The following RFX4 variants were observed in gnomAD, a reference collection of about 807,000 sequenced individuals.
The protein encoded by RFX4 is regulatory factor X4, also known as transcription factor RFX4.
In RFX4, 10 loss-of-function variants were observed where a neutral mutation model predicts 95.0. The observed-to-expected ratio is 0.11, with a 90% CI of 0.06 to 0.18. RFX4 has a LOEUF of 0.18. RFX4 is among the 10% of genes least tolerant of loss of function. RFX4 has a pLI of 1.00. For missense variants in RFX4, 640 were observed against 922.0 expected, an observed-to-expected ratio of 0.69 and a Z score of 3.96; for synonymous variants, 321 against 340.7, an observed-to-expected ratio of 0.94 and a Z score of 0.64.
chr12:106,698,928 A>T (rs754393385), intron 8 of RFX4, among the ~76,000 whole-genome samples: 1 of 151,078 alleles, frequency 6.6e-6, no homozygotes, highest in Non-Finnish European at 1.5e-5. Context: ...TTTTATCTTT[A>T]TTCCTCCCTT....
At chr12:106,653,088 G>A (rs550510624) in intron 3 of RFX4, among the ~76,000 whole-genome samples, 11 of 152,204 alleles carry the variant, frequency 7.2e-5, no homozygotes, top group Admixed American at 2.0e-4. Flanking sequence ...CCCAGGCTTC[G>A]AAGGCATGAC....
rs2039459891 is a variant in RFX4 at position 106,586,443 on chromosome 12, G to A, written c.43+3080G>A. Reference sequence around the variant, plus strand: ...AATTCGAGAACGATGGGGGAAAGTGGGTAGAATTTTAGGCCACCGAGAACT... The same window carrying A: ...AATTCGAGAACGATGGGGGAAAGTGAGTAGAATTTTAGGCCACCGAGAACT... On this transcript the variant is annotated intron_variant, in intron 1 of 17. Coordinates refer to ENST00000392842, the MANE Select transcript of RFX4 (RefSeq NM_213594.3). This position sits in a 1 kb window ranked among gnomAD's most constrained non-coding sequence, Gnocchi z 5.6. 6.6e-6 allele frequency among the ~76,000 whole-genome samples: 1 copy of A among 151,090 alleles called. No homozygotes were observed. Among genetic ancestry groups the A allele is most frequent in the African/African-American group, 2.4e-5 (1 of 41,026 alleles).
chr12:106,691,998 A>G (rs1464945002), intron 7 of RFX4, among the ~76,000 whole-genome samples: 1 of 152,112 alleles, frequency 6.6e-6, no homozygotes, highest in Non-Finnish European at 1.5e-5. Context: ...CTCTACTAAA[A>G]ATACAAAAAT....
At chr12:106,740,246 T>C (rs1326086772) in intron 15 of RFX4, among the ~76,000 whole-genome samples, 13 of 152,196 alleles carry the variant, frequency 8.5e-5, no homozygotes, top group Admixed American at 8.5e-4. Context: ...TCTACATCAG[T>C]TGAGGATGTA....
Position 106,660,452 on chromosome 12 carries a change from C to T in RFX4, c.315+6101C>T, listed in dbSNP as rs141223127. On this transcript the variant is annotated intron_variant, in intron 4 of 17. Transcript: ENST00000392842. The stretch of plus-strand genomic sequence containing the variant: ...TTTTAATTTCACCAGAAACCTCCTT[C>T]TCCTGCTTGACCACTTGTCTTTCAG... Among the ~76,000 whole-genome samples, 891 of 151,960 alleles carry T rather than the reference C, an allele frequency of 5.9e-3. 22 individuals are homozygous for T. Among genetic ancestry groups the T allele is most frequent in the Admixed American group, 0.039 (592 of 15,262 alleles).
chr12:106,608,185 G>A (rs559026745), intron 1 of RFX4, among the ~76,000 whole-genome samples: 30 of 152,158 alleles, frequency 2.0e-4, no homozygotes, highest in Admixed American at 3.9e-4. Context: ...GCAAAACTCC[G>A]TCTCAAAAAC....
At chr12:106,642,630 T>C (rs1180975386) in intron 3 of RFX4, among the ~76,000 whole-genome samples, 1 of 152,064 alleles carries the variant, frequency 6.6e-6, no homozygotes, top group African/African-American at 2.4e-5. Flanking sequence ...AAAAAACAAC[T>C]AATGATTGAT....
chr12:106,717,000 C>CAAAAAAAAAAAA (rs71311249), intron 11 of RFX4, among the ~76,000 whole-genome samples: 1 of 60,512 alleles, frequency 1.7e-5, no homozygotes, highest in Admixed American at 2.3e-4. Context: ...GCACAGGAGA[C>CAAAAAAAAAAAA]AAAAAAAAAA....
chr12:106,759,022 AT>A (rs141868751), intron 17 of RFX4, among the ~76,000 whole-genome samples: 1,814 of 152,346 alleles, frequency 0.012, 34 homozygotes, highest in African/African-American at 0.041. Flanking sequence ...TGTTGGGAAC[AT>A]GGTGTTGAAC....
chr12:106,591,002 T>TA (rs918866627), intron 1 of RFX4, among the ~76,000 whole-genome samples: 42 of 151,706 alleles, frequency 2.8e-4, no homozygotes, highest in African/African-American at 1.0e-3. Flanking sequence ...AAAGAAAAAT[T>TA]AAAAAAAGAA....
At position 106,709,574 on chromosome 12, in the gene RFX4, G is replaced by A. The variant is rs527292389; in HGVS notation, c.934+144G>A. The A allele has an allele frequency of 8.5e-6, 5 of 586,612 alleles. No homozygotes were observed. The East Asian group carries it at 1.3e-4, about 15-fold the overall frequency. 36.3% of individuals were successfully genotyped at this position (586,612 alleles called of 1,614,324 possible). On this transcript the variant is annotated intron_variant, in intron 9 of 17. Coordinates refer to ENST00000392842, the MANE Select transcript of RFX4 (RefSeq NM_213594.3). The stretch of plus-strand genomic sequence containing the variant: ...GTATTATACTAATTACTTTACATAT[G>A]TAAATATATTTAATCCTCATAAAAT...
intron 2 of RFX4, among the ~76,000 whole-genome samples, chr12:106,633,387 T>A (rs1359903703): frequency 6.6e-6 from 1 of 152,212 alleles, no homozygotes; most frequent in Admixed American, 6.5e-5. Context: ...ATTTATAAAA[T>A]GGGGATATAA....
At chr12:106,588,677 G>T (rs912958900) in intron 1 of RFX4, among the ~76,000 whole-genome samples, 4 of 151,940 alleles carry the variant, frequency 2.6e-5, no homozygotes, top group African/African-American at 9.7e-5. Flanking sequence ...TGCACAACCC[G>T]CAATTACTTT....
chr12:106,700,567 C>T (rs1037520026), intron 8 of RFX4, among the ~76,000 whole-genome samples: 9 of 151,210 alleles, frequency 6.0e-5, no homozygotes, highest in Non-Finnish European at 8.8e-5. Flanking sequence ...CTACCACGCC[C>T]GGCTAATTTT....
At chr12:106,685,807 C>T (rs963494236) in intron 5 of RFX4, among the ~76,000 whole-genome samples, 7 of 152,220 alleles carry the variant, frequency 4.6e-5, no homozygotes, top group Non-Finnish European at 7.3e-5. Context: ...TTCTTGCCTC[C>T]AGTTTCTCAT....
intron 1 of RFX4, among the ~76,000 whole-genome samples, chr12:106,598,590 C>T (rs1397266374): frequency 6.6e-6 from 1 of 152,086 alleles, no homozygotes; most frequent in African/African-American, 2.4e-5. Flanking sequence ...AAGAAAAAAG[C>T]ATTTTGCCTA....
chr12:106,642,712 T>A (rs541213420), intron 3 of RFX4, among the ~76,000 whole-genome samples: 1 of 152,326 alleles, frequency 6.6e-6, no homozygotes, highest in African/African-American at 2.4e-5. Context: ...TACGATAGTG[T>A]CTGAGAGGCT....
chr12:106,642,972 G>C (rs1398701001), intron 3 of RFX4, among the ~76,000 whole-genome samples: 1 of 152,242 alleles, frequency 6.6e-6, no homozygotes, highest in Non-Finnish European at 1.5e-5. Context: ...GGAATAGACA[G>C]AGGGGGTGTT....
chr12:106,652,625 A>G (rs1364553407), intron 3 of RFX4, among the ~76,000 whole-genome samples: 2 of 152,200 alleles, frequency 1.3e-5, no homozygotes, highest in Non-Finnish European at 2.9e-5. Context: ...CGGGAAGTAG[A>G]TGAGATGATC....
Sources: allele counts gnomAD v4.1 joint callset (sites outside exome capture counted in the v4.1 genomes callset), GRCh38; gene constraint gnomAD v4.1.1; non-coding constraint Gnocchi (gnomAD v3.1); transcripts MANE v1.5; gene names NCBI Gene and HGNC (gene_info 2026-07-23, HGNC 2026-07-21).